NTM: variants seen among roughly 807,000 people sequenced by gnomAD.
NTM encodes IgLON family member 2.
In NTM, 13 loss-of-function variants were observed where a neutral mutation model predicts 42.1. That is an observed-to-expected ratio of 0.31 (90% CI 0.20 to 0.49). NTM has a LOEUF of 0.49. Among genes scored for constraint, NTM ranks in the 20% least tolerant of loss-of-function variants. NTM has a pLI of 0.99. For synonymous variants in NTM, 187 were observed against 179.2 expected, an observed-to-expected ratio of 1.04 and a Z score of -0.35; for missense variants, 373 against 452.8, an observed-to-expected ratio of 0.82 and a Z score of 1.60.
chr11:131,939,902 C>T (rs1236793368), intron 2 of NTM, among the ~76,000 whole-genome samples: 2 of 152,104 alleles, frequency 1.3e-5, no homozygotes, highest in Non-Finnish European at 2.9e-5. Flanking sequence ...GAGGCAGTGA[C>T]AGTGGATGTG....
At chr11:131,702,982 A>T (rs571030241) in intron 1 of NTM, among the ~76,000 whole-genome samples, 11 of 152,202 alleles carry the variant, frequency 7.2e-5, no homozygotes, top group Non-Finnish European at 1.5e-4. Flanking sequence ...GAAATCAGTT[A>T]GGGGAGAAGA....
chr11:131,478,965 G>A (rs1253421052), intron 1 of NTM, among the ~76,000 whole-genome samples: 1 of 152,214 alleles, frequency 6.6e-6, no homozygotes, highest in Non-Finnish European at 1.5e-5. Context: ...TCCAGGACTT[G>A]AGGAGCTTGG....
rs548543671 is a variant in NTM, at chr11:131,488,101, G to T, written c.82+117213G>T. ...CTACCCAGACTCTATACCTACAGGG[G>T]GAATCACCATGAATCCAAGAAAACT... On this transcript the variant is annotated intron_variant, in intron 1 of 8. Transcript: ENST00000683400. Among the ~76,000 whole-genome samples, 16 of 152,250 alleles carry T rather than the reference G, an allele frequency of 1.1e-4. No individual in the cohort carries two copies. The South Asian group carries it at 3.3e-3, about 32-fold the overall frequency.
intron 1 of NTM, among the ~76,000 whole-genome samples, chr11:131,552,390 G>A (rs1299115351): frequency 1.3e-5 from 2 of 151,932 alleles, no homozygotes; most frequent in African/African-American, 4.8e-5. Context: ...TGAAAGAAAT[G>A]TGTGTACATA....
intron 1 of NTM, chr11:131,767,079 T>C: frequency 1.1e-6 from 1 of 888,292 alleles, no homozygotes; most frequent in Non-Finnish European, 1.3e-6. Flanking sequence ...GTGTGTCTGC[T>C]TTTGTACCTA....
At chr11:132,104,935 A>G (rs1295492849) in intron 2 of NTM, among the ~76,000 whole-genome samples, 10 of 20,000 alleles carry the variant, frequency 5.0e-4, no homozygotes, top group Non-Finnish European at 6.5e-4. Flanking sequence ...ATATATACAT[A>G]TGTATATATA....
chr11:132,266,605 C>G (rs938777293), intron 4 of NTM, among the ~76,000 whole-genome samples: 5 of 152,176 alleles, frequency 3.3e-5, no homozygotes, highest in African/African-American at 1.2e-4. Context: ...ACAGAGAACT[C>G]AAGAGCTAGA....
intron 1 of NTM, among the ~76,000 whole-genome samples, chr11:131,761,847 A>G (rs2084250449): frequency 6.8e-6 from 1 of 146,840 alleles, no homozygotes; most frequent in African/African-American, 2.6e-5. Flanking sequence ...AAATAAATAA[A>G]TAAATAAATA....
intron 2 of NTM, among the ~76,000 whole-genome samples, chr11:131,939,721 T>G (rs1049410504): frequency 9.2e-5 from 14 of 152,188 alleles, no homozygotes; most frequent in Admixed American, 5.2e-4. Context: ...TGGTTACATA[T>G]TTTTATGAAT....
chr11:132,070,591 A>C, intron 2 of NTM, among the ~76,000 whole-genome samples: 1 of 128,392 alleles, frequency 7.8e-6, no homozygotes, highest in Non-Finnish European at 1.7e-5. Flanking sequence ...AACACGTCAA[A>C]CTGACCATCA....
At chr11:132,108,402 G>A (rs1008799454) in intron 2 of NTM, among the ~76,000 whole-genome samples, 1 of 152,164 alleles carries the variant, frequency 6.6e-6, no homozygotes, top group African/African-American at 2.4e-5. Flanking sequence ...TGGAATTGGA[G>A]GCCATTATTT....
At chr11:131,750,429 A>C (rs1408744117) in intron 1 of NTM, among the ~76,000 whole-genome samples, 1 of 152,202 alleles carries the variant, frequency 6.6e-6, no homozygotes, top group African/African-American at 2.4e-5. Context: ...CTGGCCTGCC[A>C]TAACAGTTAC....
intron 2 of NTM, among the ~76,000 whole-genome samples, chr11:132,026,661 C>A (rs1175006899): frequency 1.3e-5 from 2 of 152,204 alleles, no homozygotes; most frequent in African/African-American, 2.4e-5. Context: ...CAGATATTAT[C>A]TGCAGCAATT....
chr11:131,613,327 G>A (rs1344139671), intron 1 of NTM, among the ~76,000 whole-genome samples: 1 of 152,010 alleles, frequency 6.6e-6, no homozygotes, highest in Non-Finnish European at 1.5e-5. Flanking sequence ...CCCAAGCCTG[G>A]GCCCCCGCCC....
At chr11:131,862,414 C>T (rs999837848) in intron 1 of NTM, among the ~76,000 whole-genome samples, 2 of 152,184 alleles carry the variant, frequency 1.3e-5, no homozygotes, top group African/African-American at 4.8e-5. Context: ...TCCCAGGAGT[C>T]CATGTTTCAG....
chr11:131,847,080 A>G lies in NTM; in HGVS notation c.83-64484A>G, dbSNP rs567592433. Among the ~76,000 whole-genome samples the G allele has an allele frequency of 3.3e-5, 5 of 152,260 alleles. No homozygotes were observed. The East Asian group carries it at 9.7e-4, about 29-fold the overall frequency. ...TCTGTGACTGCAGATTTAATTTCAA[A>G]TCTGTATCTTTCATTTAGTTGTAGG... On this transcript the variant is annotated intron_variant, in intron 1 of 8. Transcript: ENST00000683400.
At chr11:131,663,940 T>G (rs2068541724) in intron 1 of NTM, among the ~76,000 whole-genome samples, 1 of 152,244 alleles carries the variant, frequency 6.6e-6, no homozygotes, top group South Asian at 2.1e-4. Flanking sequence ...AATTAGAGCT[T>G]GTGTCTATCT....
rs2070476520 is a variant in NTM, at chr11:132,146,622, G to A, written c.400+108G>A. 1.2e-5 allele frequency: 14 copies of A among 1,169,264 alleles called. No homozygotes were observed. In the East Asian group the frequency reaches 2.3e-4, roughly 19 times the overall value. 72.4% of individuals were successfully genotyped at this position (1,169,264 alleles called of 1,614,324 possible). On this transcript the variant is annotated intron_variant, in intron 3 of 8. Coordinates refer to ENST00000683400, the MANE Select transcript of NTM (RefSeq NM_001352005.2). The surrounding 1 kb of genome is among the most constrained non-coding windows in gnomAD (Gnocchi z 4.5). ...CAGAGATGAGTTATCCTTATTCTAC[G>A]CATCTGGGGTCCAGGGCACATTTCT... is the stretch of plus-strand genomic sequence containing the variant.
chr11:132,052,357 C>G (rs189440967), intron 2 of NTM, among the ~76,000 whole-genome samples: 8 of 152,284 alleles, frequency 5.3e-5, no homozygotes, highest in Admixed American at 5.2e-4. Context: ...GAGTCCTGGT[C>G]TATTTCCCCC....
Sources: gnomAD v4.1 joint callset for allele counts (sites outside exome capture counted in the v4.1 genomes callset) on GRCh38, gnomAD v4.1.1 for gene constraint, Gnocchi (gnomAD v3.1) non-coding constraint, MANE v1.5 for transcripts, NCBI Gene and HGNC (gene_info 2026-07-23, HGNC 2026-07-21) for gene names.